The following SOHLH2 variants were observed in gnomAD, a reference collection of about 807,000 sequenced individuals.
SOHLH2 encodes spermatogenesis- and oogenesis-specific basic helix-loop-helix-containing protein 2.
Under a neutral mutation model 50.4 loss-of-function variants are expected in SOHLH2, and 22 were observed. That is an observed-to-expected ratio of 0.44 (90% CI 0.31 to 0.62). The LOEUF (loss-of-function observed/expected upper bound fraction) is 0.62. SOHLH2 is among the 20% of genes least tolerant of loss of function. The probability of loss-of-function intolerance (pLI) is 0.08; values close to 1 mark genes in which losing one functional copy is unlikely to be tolerated. For synonymous variants in SOHLH2, 185 were observed against 187.3 expected, an observed-to-expected ratio of 0.99 and a Z score of 0.10; for missense variants, 412 against 504.4, an observed-to-expected ratio of 0.82 and a Z score of 1.76.
rs575044192 is a variant in SOHLH2, at chr13:36,184,621, A to G, written c.641+5325T>C. ...ACTACAGGCGCCTGCCACCACACCC[A>G]GCTAACTTTTTGTATTTTAGTAGAG... On this transcript the variant is annotated intron_variant, in intron 6 of 10. Coordinates refer to ENST00000379881, the MANE Select transcript of SOHLH2 (RefSeq NM_017826.3). Among the ~76,000 whole-genome samples, 60 of 151,938 alleles carry G rather than the reference A, an allele frequency of 3.9e-4. No individual in the cohort carries two copies. In the East Asian group the frequency reaches 6.8e-3, roughly 17 times the overall value.
At chr13:36,174,383 CA>C in intron 8 of SOHLH2, 92 bp downstream of exon 8, 3 of 1,537,482 alleles carry the variant, frequency 2.0e-6, no homozygotes, top group Non-Finnish European at 2.6e-6. Context: ...CCTGCACTTT[CA>C]CTGTGGATAG....
chr13:36,190,179 G>T, intron 5 of SOHLH2, 123 bp from the exon 6 acceptor site: 1 of 745,618 alleles, frequency 1.3e-6, no homozygotes, highest in Non-Finnish European at 1.9e-6. Context: ...ATACAAAGGG[G>T]CAATAAGTGT....
At chr13:36,198,405 A>G (rs1887800327) in intron 2 of SOHLH2, among the ~76,000 whole-genome samples, 1 of 152,212 alleles carries the variant, frequency 6.6e-6, no homozygotes, top group Admixed American at 6.5e-5. Flanking sequence ...AACTTATCCA[A>G]GCCAAGAGTG....
intron 2 of SOHLH2, 49 bp downstream of exon 2, chr13:36,201,830 T>G: frequency 2.5e-6 from 4 of 1,593,576 alleles, no homozygotes; most frequent in Non-Finnish European, 3.4e-6. Flanking sequence ...AAAATGGGTT[T>G]TTAAAAAAAT....
At chr13:36,199,731 T>G (rs963141825) in intron 2 of SOHLH2, among the ~76,000 whole-genome samples, 4 of 152,182 alleles carry the variant, frequency 2.6e-5, no homozygotes, top group Admixed American at 1.3e-4. Flanking sequence ...TCCTCTAACC[T>G]TCTAGGTTTT....
rs372506189 is a variant in SOHLH2 at position 36,174,425 on chromosome 13, T to C, written c.881+51A>G. On this transcript the variant is annotated intron_variant, in intron 8 of 10. Transcript: ENST00000379881. ...TTTGTGTACATATTTAGCATCAACA[T>C]GGGAGGAAAATAACTAGCAGACTTC... 4,330 of 1,607,020 alleles carry C rather than the reference T, an allele frequency of 2.7e-3. 133 individuals are homozygous for C. In the South Asian group the frequency reaches 0.045, roughly 17 times the overall value.
intron 9 of SOHLH2, among the ~76,000 whole-genome samples, chr13:36,171,766 G>A (rs1329452589): frequency 6.6e-6 from 1 of 152,098 alleles, no homozygotes; most frequent in Non-Finnish European, 1.5e-5. Context: ...GTAGCGACTG[G>A]AAAATGGCTA....
Position 36,169,007 on chromosome 13 carries a change from G to T in SOHLH2, c.*27C>A. 1 of 1,603,882 alleles carries T rather than the reference G, an allele frequency of 6.2e-7. No individual in the cohort carries two copies. The highest frequency in any genetic ancestry group is 1.8e-5 in the Admixed American group (1 of 57,116). The stretch of plus-strand genomic sequence containing the variant: ...GTCAAACTGCGCCCAGTAGGTGGTT[G>T]AGAGTGTGAATTTCAAACATGTGCT... On this transcript the variant is annotated 3_prime_UTR_variant, in exon 11 of 11. Transcript: ENST00000379881.
At chr13:36,205,235 T>C (rs1349370683) in intron 1 of SOHLH2, among the ~76,000 whole-genome samples, 1 of 152,190 alleles carries the variant, frequency 6.6e-6, no homozygotes, top group Non-Finnish European at 1.5e-5. Flanking sequence ...ACTTTTTTTC[T>C]CTATTTCCAG....
At chr13:36,198,359 T>G (rs529262354) in intron 2 of SOHLH2, among the ~76,000 whole-genome samples, 1 of 152,192 alleles carries the variant, frequency 6.6e-6, no homozygotes, top group African/African-American at 2.4e-5. Flanking sequence ...GTCTGAATTA[T>G]CAAGTATCTG....
chr13:36,212,905 C>A (rs1869208004), intron 1 of SOHLH2, among the ~76,000 whole-genome samples: 1 of 152,204 alleles, frequency 6.6e-6, no homozygotes, highest in South Asian at 2.1e-4. Context: ...CACTGGATTT[C>A]CATTTGCAAT....
chr13:36,206,476 T>C (rs1456287432), intron 1 of SOHLH2, among the ~76,000 whole-genome samples: 16 of 152,040 alleles, frequency 1.1e-4, no homozygotes, highest in African/African-American at 2.9e-4. Context: ...CAATAGTATG[T>C]TTGGTTTTTT....
chr13:36,213,888 A>C (rs890435534), intron 1 of SOHLH2, among the ~76,000 whole-genome samples: 7 of 151,890 alleles, frequency 4.6e-5, no homozygotes, highest in African/African-American at 1.5e-4. Flanking sequence ...ACGCGCCTAA[A>C]TAAACTTTCT....
intron 4 of SOHLH2, 44 bp from the exon 5 acceptor site, chr13:36,191,938 A>C (rs570918886): frequency 6.2e-7 from 1 of 1,607,000 alleles, no homozygotes; most frequent in South Asian, 1.1e-5. Context: ...GAAGTCACTT[A>C]AGGAGATGAC....
chr13:36,202,118 TCA>T, intron 1 of SOHLH2, 25 bp from the exon 2 acceptor site: 5 of 1,612,540 alleles, frequency 3.1e-6, no homozygotes, highest in Non-Finnish European at 4.2e-6. Flanking sequence ...AGCAGAGGCG[TCA>T]CATAATTATT....
chr13:36,174,715 C>A lies in SOHLH2; in HGVS notation c.789+7G>T. On this transcript the variant is annotated splice_region_variant and intron_variant, in intron 7 of 10. Transcript: ENST00000379881. ...GGATAAAATTCAAAGCTTTGGGAGT[C>A]AAATACCTGGGCCATAACGGCTGGA... 1 of 1,596,226 alleles carries A rather than the reference C, an allele frequency of 6.3e-7. No individual in the cohort carries two copies. Among genetic ancestry groups the A allele is most frequent in the South Asian group, 1.2e-5 (1 of 86,766 alleles).
chr13:36,179,587 T>C (rs1350791941), intron 6 of SOHLH2, among the ~76,000 whole-genome samples: 1 of 152,074 alleles, frequency 6.6e-6, no homozygotes, highest in Non-Finnish European at 1.5e-5. Context: ...TTTTTTATTT[T>C]TTTTTTGTAG....
chr13:36,191,322 A>T (rs1887566473), intron 5 of SOHLH2, among the ~76,000 whole-genome samples: 1 of 152,166 alleles, frequency 6.6e-6, no homozygotes, highest in Non-Finnish European at 1.5e-5. Context: ...AAAGATACTA[A>T]ATCCTTTTTA....
intron 1 of SOHLH2, among the ~76,000 whole-genome samples, chr13:36,210,860 C>A (rs949566679): frequency 1.3e-5 from 2 of 152,134 alleles, no homozygotes; most frequent in Non-Finnish European, 2.9e-5. Flanking sequence ...CAGTAGAGAG[C>A]GTTGGGGCCC....
Sources: gnomAD v4.1 joint callset for allele counts (sites outside exome capture counted in the v4.1 genomes callset) on GRCh38, gnomAD v4.1.1 for gene constraint, MANE v1.5 for transcripts, NCBI Gene and HGNC (gene_info 2026-07-23, HGNC 2026-07-21) for gene names.